The following TEX36 variants were observed in gnomAD, a reference collection of about 807,000 sequenced individuals.
TEX36 encodes the protein testis-expressed protein 36.
In TEX36, 12 loss-of-function variants were observed where a neutral mutation model predicts 13.6. The observed-to-expected ratio is 0.88, with a 90% CI of 0.56 to 1.43. The LOEUF (loss-of-function observed/expected upper bound fraction) is 1.43. TEX36 is among the 40% of genes most tolerant of loss of function. The probability of loss-of-function intolerance (pLI) is 0.00; values close to 1 mark genes in which losing one functional copy is unlikely to be tolerated. For synonymous variants in TEX36, 93 were observed against 83.0 expected (o/e 1.12, Z -0.65); for missense variants, 224 against 228.3 (o/e 0.98, Z 0.12).
intron 3 of TEX36, among the ~76,000 whole-genome samples, chr10:125,622,689 C>T (rs1486574257): frequency 6.6e-6 from 1 of 152,210 alleles, no homozygotes; most frequent in Non-Finnish European, 1.5e-5. Context: ...AATCCCAGGG[C>T]ATGGTAGTAC....
intron 3 of TEX36, among the ~76,000 whole-genome samples, chr10:125,591,617 A>G (rs1846021918): frequency 6.6e-6 from 1 of 152,190 alleles, no homozygotes; most frequent in South Asian, 2.1e-4. Context: ...GGTTCTCTCT[A>G]CACTGAATTT....
chr10:125,628,312 A>G (rs748102072), intron 3 of TEX36, among the ~76,000 whole-genome samples: 3 of 152,240 alleles, frequency 2.0e-5, no homozygotes, highest in Non-Finnish European at 2.9e-5. Context: ...TTTCCACCTC[A>G]GCACCCTGAA....
At chr10:125,576,721 G>A in exon 4 of TEX36, 3 of 1,534,384 alleles carry the variant, frequency 2.0e-6, no homozygotes, top group Non-Finnish European at 1.7e-6. Flanking sequence ...TCTGGGGAAT[G>A]GGTGACAGAA....
chr10:125,645,289 G>A (rs1293020929), intron 3 of TEX36, among the ~76,000 whole-genome samples: 1 of 152,190 alleles, frequency 6.6e-6, no homozygotes, highest in Non-Finnish European at 1.5e-5. Context: ...ATTGAGAGAT[G>A]GGACCTTTTA....
intron 3 of TEX36, among the ~76,000 whole-genome samples, chr10:125,639,295 T>C (rs1162017974): frequency 1.3e-5 from 2 of 152,194 alleles, no homozygotes; most frequent in Non-Finnish European, 2.9e-5. Flanking sequence ...AAAGTACCAT[T>C]GCCTGATCCA....
intron 3 of TEX36, among the ~76,000 whole-genome samples, chr10:125,590,908 G>A (rs1846014050): frequency 6.6e-6 from 1 of 152,146 alleles, no homozygotes; most frequent in African/African-American, 2.4e-5. Context: ...AAGTTGTTCT[G>A]TTGCACAGTT....
intron 3 of TEX36, among the ~76,000 whole-genome samples, chr10:125,633,314 T>C (rs1026895): frequency 0.01 from 1,577 of 152,302 alleles, 10 homozygotes; most frequent in Admixed American, 0.031. Flanking sequence ...TCTCTCTAGA[T>C]GAAAGCTAAG....
chr10:125,680,549 T>C (rs1847377633), intron 1 of TEX36, among the ~76,000 whole-genome samples: 2 of 152,304 alleles, frequency 1.3e-5, no homozygotes, highest in East Asian at 3.9e-4. Context: ...AAGGGGCAAG[T>C]GTGTGGAAAA....
chr10:125,584,879 C>T (rs1845924982), intron 3 of TEX36, among the ~76,000 whole-genome samples: 2 of 152,218 alleles, frequency 1.3e-5, no homozygotes, highest in African/African-American at 4.8e-5. Flanking sequence ...GAGAGGACTA[C>T]TACACATATT....
intron 1 of TEX36, among the ~76,000 whole-genome samples, chr10:125,680,373 C>T (rs940289305): frequency 1.3e-5 from 2 of 152,122 alleles, no homozygotes; most frequent in African/African-American, 4.8e-5. Context: ...ATGGCTCTAG[C>T]GTTTTAATTT....
intron 3 of TEX36, among the ~76,000 whole-genome samples, chr10:125,597,489 A>G (rs919683806): frequency 6.6e-6 from 1 of 152,254 alleles, no homozygotes; most frequent in African/African-American, 2.4e-5. Flanking sequence ...GTAGGGTTAC[A>G]TTTCAGGAAA....
In TEX36 at chr10:125,599,895, A is replaced by G. The variant is rs570011005; in HGVS notation, c.265-23021T>C. ...TTCCAGGCCACCCCAGCTCTCCTCA[A>G]TGGAAGCTGTGCCTGTGAGACCCCC... On this transcript the variant is annotated intron_variant, in intron 3 of 3. Coordinates refer to the TEX36 transcript ENST00000532135. Among the ~76,000 whole-genome samples the G allele has an allele frequency of 9.2e-5, 14 of 152,124 alleles. No homozygotes were observed. The South Asian group carries it at 1.0e-3, about 11-fold the overall frequency.
rs543207769 is a variant in TEX36 at position 125,625,938 on chromosome 10, G to T, written c.265-4293C>A. ...CGGAGTTGGTATAGTGGACACCGAG[G>T]TGTGCCGCCCAGACCGCCCCCTGCC... On this transcript the variant is annotated intron_variant, in intron 3 of 3. Transcript: ENST00000526819. Among the ~76,000 whole-genome samples the T allele has an allele frequency of 1.3e-4, 20 of 152,326 alleles. No homozygotes were observed. In the East Asian group the frequency reaches 2.7e-3, roughly 21 times the overall value.
intron 3 of TEX36, among the ~76,000 whole-genome samples, chr10:125,607,661 TC>T (rs1352481446): frequency 6.6e-6 from 1 of 151,784 alleles, no homozygotes; most frequent in Non-Finnish European, 1.5e-5. Flanking sequence ...TACATGTGAC[TC>T]CCCGACTAGC....
chr10:125,600,469 G>T (rs1168447824), intron 3 of TEX36, among the ~76,000 whole-genome samples: 1 of 152,152 alleles, frequency 6.6e-6, no homozygotes, highest in African/African-American at 2.4e-5. Flanking sequence ...CTGGACTCCT[G>T]AGCCTGTTGT....
intron 3 of TEX36, among the ~76,000 whole-genome samples, chr10:125,628,807 G>A (rs1846518141): frequency 6.6e-6 from 1 of 152,218 alleles, no homozygotes; most frequent in African/African-American, 2.4e-5. Context: ...CCCAGACATT[G>A]TCACAGACAT....
At chr10:125,682,360 C>T (rs532597014) in intron 1 of TEX36, among the ~76,000 whole-genome samples, 26 of 152,322 alleles carry the variant, frequency 1.7e-4, no homozygotes, top group Middle Eastern at 6.8e-3. Flanking sequence ...GGAAAGTTTT[C>T]AAGTGATGAA....
At chr10:125,601,383 T>C (rs1267278689) in intron 3 of TEX36, among the ~76,000 whole-genome samples, 2 of 152,234 alleles carry the variant, frequency 1.3e-5, no homozygotes, top group African/African-American at 4.8e-5. Flanking sequence ...AGGCCCATTC[T>C]CTCCCAACCT....
chr10:125,637,308 CAAAA>C (rs758842533), intron 3 of TEX36, among the ~76,000 whole-genome samples: 1 of 99,362 alleles, frequency 1.0e-5, no homozygotes, highest in Non-Finnish European at 2.1e-5. Context: ...GACCCTGTCT[CAAAA>C]AAAAAAAAAA....
Sources: allele counts gnomAD v4.1 joint callset (sites outside exome capture counted in the v4.1 genomes callset), GRCh38; gene constraint gnomAD v4.1.1; transcripts MANE v1.5; gene names NCBI Gene and HGNC (gene_info 2026-07-23, HGNC 2026-07-21).